The following TRIM67 variants were observed in gnomAD, a reference collection of about 807,000 sequenced individuals.
TRIM67 encodes tripartite motif containing 67.
TRIM67 carries 39 observed loss-of-function variants against 71.0 expected under a neutral mutation model. The observed-to-expected ratio is 0.55, with a 90% confidence interval of 0.43 to 0.72. The LOEUF (loss-of-function observed/expected upper bound fraction) is 0.72. TRIM67 is among the 30% of genes least tolerant of loss of function. The pLI, the probability that TRIM67 is intolerant of heterozygous loss-of-function variation, is 0.00. For synonymous variants in TRIM67, 481 were observed against 473.9 expected (o/e 1.01, Z -0.19); for missense variants, 973 against 1,079.2 (o/e 0.90, Z 1.38).
chr1:231,164,976 C>T (rs892797332), intron 1 of TRIM67, among the ~76,000 whole-genome samples: 1 of 152,120 alleles, frequency 6.6e-6, no homozygotes, highest in East Asian at 1.9e-4. Context: ...TAGGAATCCA[C>T]CTTTAAGAGG....
chr1:231,193,113 C>G (rs147704057), intron 1 of TRIM67, among the ~76,000 whole-genome samples: 154 of 152,346 alleles, frequency 1.0e-3, no homozygotes, highest in African/African-American at 3.6e-3. Flanking sequence ...CAGAAGCAAG[C>G]TTGCTGAGTT....
intron 1 of TRIM67, among the ~76,000 whole-genome samples, chr1:231,171,945 AT>A (rs1381945393): frequency 6.6e-6 from 1 of 152,128 alleles, no homozygotes; most frequent in Non-Finnish European, 1.5e-5. Flanking sequence ...AAATAAAAGC[AT>A]TTAGCCAAGG....
intron 8 of TRIM67, among the ~76,000 whole-genome samples, chr1:231,213,448 C>T (rs143748103): frequency 1.9e-3 from 289 of 152,236 alleles, no homozygotes; most frequent in African/African-American, 6.7e-3. Context: ...TTTTCTTGGC[C>T]GGGTACAGTG....
At chr1:231,166,930 G>T (rs1682483978) in intron 1 of TRIM67, among the ~76,000 whole-genome samples, 2 of 152,140 alleles carry the variant, frequency 1.3e-5, no homozygotes, top group Admixed American at 1.3e-4. Context: ...TTTGCTTCTT[G>T]ATTATGAAAA....
At chr1:231,192,707 A>G (rs1683266287) in intron 1 of TRIM67, among the ~76,000 whole-genome samples, 1 of 152,208 alleles carries the variant, frequency 6.6e-6, no homozygotes, top group African/African-American at 2.4e-5. Context: ...TGGCTCTTCC[A>G]TGGCTGCAGA....
At position 231,197,356 on chromosome 1, in the gene TRIM67, T is replaced by C. The variant is rs760074407; in HGVS notation, c.1045-15T>C. 13 of 1,610,694 alleles carry C rather than the reference T, an allele frequency of 8.1e-6. No individual in the cohort carries two copies. The South Asian group carries it at 1.4e-4, about 18-fold the overall frequency. On this transcript the variant is annotated splice_polypyrimidine_tract_variant and intron_variant, in intron 1 of 9. Coordinates refer to ENST00000366653, the MANE Select transcript of TRIM67 (RefSeq NM_001004342.5). ...ACAACTAATTTTTCTTTTCAACATG[T>C]GATATCTTTTTCAGGCACAACTATC...
chr1:231,176,528 A>C (rs927735293), intron 1 of TRIM67, among the ~76,000 whole-genome samples: 2 of 152,224 alleles, frequency 1.3e-5, no homozygotes, highest in Non-Finnish European at 2.9e-5. Context: ...GCATTAAAGA[A>C]GATGTTTAAA....
At position 231,199,094 on chromosome 1, in the gene TRIM67, C is replaced by T. The variant is rs1558302568; in HGVS notation, c.1188C>T (p.Ala396=). The T allele has an allele frequency of 6.2e-7, 1 of 1,613,966 alleles. No individual in the cohort carries two copies. Among genetic ancestry groups the T allele is most frequent in the Non-Finnish European group, 8.5e-7 (1 of 1,179,890 alleles). Residue 396 remains alanine (A), a synonymous_variant, in exon 3 of 10, where the codon GCC becomes GCT. Coordinates refer to ENST00000366653, the MANE Select transcript of TRIM67 (RefSeq NM_001004342.5). ...YEACLVAQCD[A]LVDALTRQKA... is the part of the protein sequence containing the mutation. ...CCTGCCTCGTTGCTCAGTGTGATGCCCTTGTGGATGCTTTAACTCGTCAGA... is the reference window on the plus strand; with the variant it reads ...CCTGCCTCGTTGCTCAGTGTGATGCTCTTGTGGATGCTTTAACTCGTCAGA...
At position 231,211,535 on chromosome 1, in the gene TRIM67, C is replaced by A. The variant is rs1248450354; in HGVS notation, c.2124-2280C>A. Among the ~76,000 whole-genome samples the A allele has an allele frequency of 3.9e-5, 6 of 152,154 alleles. No homozygotes were observed. The East Asian group carries it at 1.2e-3, about 29-fold the overall frequency. ...CGGTGTCCAAATAGCATCAACAGTG[C>A]GGTTTTAGTTTCCTTCTCCCACCTG... On this transcript the variant is annotated intron_variant, in intron 8 of 9. Transcript: ENST00000366653.
rs1684111273 is a variant in TRIM67, at chr1:231,220,302, CAT to C, written c.*4865_*4866del. 1 of 219,592 alleles carries C rather than the reference CAT, an allele frequency of 4.6e-6. No homozygotes were observed. Among genetic ancestry groups the C allele is most frequent in the Non-Finnish European group, 9.3e-6 (1 of 108,048 alleles). The allele number at this position is 219,592 out of a possible 1,614,324, so 13.6% of individuals were successfully genotyped here. On this transcript the variant is annotated 3_prime_UTR_variant, in exon 10 of 10. Transcript: ENST00000366653. ...CCTATGACCATAGAAAGTAACACCCCATATGTTTCCATTCCCGGCGAGGCCTG... is the reference window on the plus strand; with the variant it reads ...CCTATGACCATAGAAAGTAACACCCCATGTTTCCATTCCCGGCGAGGCCTG...
At chr1:231,177,840 T>A (rs1682795735) in intron 1 of TRIM67, among the ~76,000 whole-genome samples, 1 of 152,226 alleles carries the variant, frequency 6.6e-6, no homozygotes, top group Non-Finnish European at 1.5e-5. Context: ...GTAATCCCAG[T>A]ACCCATCAGA....
chr1:231,174,669 G>A (rs568039794), intron 1 of TRIM67, among the ~76,000 whole-genome samples: 27 of 151,992 alleles, frequency 1.8e-4, no homozygotes, highest in East Asian at 7.7e-4. Context: ...AGTCTGTCCC[G>A]TCTAATGCTA....
rs563569226 is a variant in TRIM67, at chr1:231,181,087, T to C, written c.1045-16284T>C. Among the ~76,000 whole-genome samples the C allele has an allele frequency of 4.4e-4, 67 of 152,304 alleles. No homozygotes were observed. In the South Asian group the frequency reaches 0.011, roughly 24 times the overall value. On this transcript the variant is annotated intron_variant, in intron 1 of 9. Coordinates refer to ENST00000366653, the MANE Select transcript of TRIM67 (RefSeq NM_001004342.5). Reference sequence around the variant, plus strand: ...TTCGTGCGATTCTCCTGCCTCAGCCTCCCAAGTAGCTGGGACTACAGGCAT... The same window carrying C: ...TTCGTGCGATTCTCCTGCCTCAGCCCCCCAAGTAGCTGGGACTACAGGCAT...
intron 4 of TRIM67, among the ~76,000 whole-genome samples, chr1:231,200,556 A>C (rs1683492420): frequency 1.3e-5 from 2 of 152,320 alleles, no homozygotes; most frequent in Non-Finnish European, 2.9e-5. Flanking sequence ...GACAGATTGC[A>C]CCAGAAGAAG....
chr1:231,187,880 G>A (rs977779445), intron 1 of TRIM67, among the ~76,000 whole-genome samples: 4 of 152,192 alleles, frequency 2.6e-5, no homozygotes, highest in Non-Finnish European at 5.9e-5. Context: ...CACTCCAGAC[G>A]CCTAAGATGA....
chr1:231,196,324 C>T (rs2102744814), intron 1 of TRIM67, among the ~76,000 whole-genome samples: 1 of 152,192 alleles, frequency 6.6e-6, no homozygotes, highest in East Asian at 1.9e-4. Context: ...GGGTCACAGT[C>T]TGGATGGGCG....
At position 231,185,044 on chromosome 1, in the gene TRIM67, A is replaced by G. The variant is rs932442333; in HGVS notation, c.1045-12327A>G. Reference sequence around the variant, plus strand: ...TTATTCTGCTTGCAGGGCCTAGGCTAGTGTGGAGCTGAGCTGGTGCCTGGA... The same window carrying G: ...TTATTCTGCTTGCAGGGCCTAGGCTGGTGTGGAGCTGAGCTGGTGCCTGGA... On this transcript the variant is annotated intron_variant, in intron 1 of 9. Transcript: ENST00000366653. 4.6e-6 allele frequency: 7 copies of G among 1,532,962 alleles called. No homozygotes were observed. In the Admixed American group the frequency reaches 5.9e-5, roughly 13 times the overall value. The allele number at this position is 1,532,962 out of a possible 1,614,324, so 95.0% of individuals were successfully genotyped here.
chr1:231,197,221 G>A (rs1211945309), intron 1 of TRIM67, 150 bp from the exon 2 acceptor site: 1 of 614,356 alleles, frequency 1.6e-6, no homozygotes, highest in Non-Finnish European at 2.9e-6. Flanking sequence ...AGAGATCATG[G>A]GTCAGTGGTG....
chr1:231,215,295 GGT>G, intron 9 of TRIM67, 78 bp from the exon 10 acceptor site: 1 of 1,529,640 alleles, frequency 6.5e-7, no homozygotes, highest in Non-Finnish European at 8.8e-7. Context: ...GGATCCTGCC[GGT>G]GTCTGCGGTG....
Sources: gnomAD v4.1 joint callset for allele counts (sites outside exome capture counted in the v4.1 genomes callset) on GRCh38, gnomAD v4.1.1 for gene constraint, MANE v1.5 for transcripts, NCBI Gene and HGNC (gene_info 2026-07-23, HGNC 2026-07-21) for gene names.